The following GPATCH2L variants were observed in gnomAD, a reference collection of about 807,000 sequenced individuals.
GPATCH2L encodes G patch domain-containing protein 2-like.
In GPATCH2L, 31 loss-of-function variants were observed where a neutral mutation model predicts 57.4. The observed-to-expected ratio is 0.54, with a 90% CI of 0.41 to 0.73. GPATCH2L has a LOEUF of 0.73. GPATCH2L is among the 30% of genes least tolerant of loss of function. GPATCH2L has a pLI of 0.00. For missense variants in GPATCH2L, 481 were observed against 599.9 expected (o/e 0.80, Z 2.07); for synonymous variants, 199 against 210.7 (o/e 0.94, Z 0.48).
chr14:76,163,917 A>G (rs936030927), intron 2 of GPATCH2L, among the ~76,000 whole-genome samples: 33 of 152,272 alleles, frequency 2.2e-4, no homozygotes, highest in Non-Finnish European at 2.5e-4. Flanking sequence ...GATGAGCAAG[A>G]TATTTTTTTT....
At position 76,209,103 on chromosome 14, in the gene GPATCH2L, G is replaced by GAT. The variant is rs1351839422; in HGVS notation, c.*7253_*7254dup. The GAT allele has an allele frequency of 6.6e-6, 1 of 152,244 alleles. No individual in the cohort carries two copies. Among genetic ancestry groups the GAT allele is most frequent in the Non-Finnish European group, 1.5e-5 (1 of 68,066 alleles). 9.4% of individuals were successfully genotyped at this position (152,244 alleles called of 1,614,324 possible). On this transcript the variant is annotated 3_prime_UTR_variant, in exon 10 of 10. Transcript: ENST00000261530. Reference sequence around the variant, plus strand: ...CCCATAGGTTGATTTTTATGACACTGATGCTATATAACCACTTCCTTCTTT... The same window carrying GAT: ...CCCATAGGTTGATTTTTATGACACTGATATGCTATATAACCACTTCCTTCTTT...
chr14:76,178,134 C>T, intron 7 of GPATCH2L, 92 bp downstream of exon 7: 1 of 1,269,684 alleles, frequency 7.9e-7, no homozygotes, highest in Non-Finnish European at 1.1e-6. Flanking sequence ...GCAGCTAATT[C>T]CTCTTTGTAG....
intron 2 of GPATCH2L, among the ~76,000 whole-genome samples, chr14:76,165,194 A>G (rs1333895033): frequency 3.3e-5 from 5 of 152,204 alleles, no homozygotes; most frequent in African/African-American, 7.2e-5. Context: ...GAAAGAATCT[A>G]TAAAGAAATA....
intron 3 of GPATCH2L, among the ~76,000 whole-genome samples, chr14:76,168,663 C>T (rs1330229495): frequency 6.6e-6 from 1 of 152,156 alleles, no homozygotes; most frequent in Admixed American, 6.5e-5. Context: ...AAAGCCTTTG[C>T]TTGAATCATA....
intron 9 of GPATCH2L, chr14:76,196,437 GTTTTTTTTT>G (rs78248589): frequency 3.9e-5 from 5 of 129,542 alleles, no homozygotes; most frequent in Non-Finnish European, 8.0e-5. Flanking sequence ...AAACTTTTCA[GTTTTTTTTT>G]TTTTTTTTTT....
rs1418245374 is a variant in GPATCH2L, at chr14:76,213,578, G to T, written c.*11727G>T. 6.6e-6 allele frequency: 1 copy of T among 152,142 alleles called. No individual in the cohort carries two copies. The highest frequency in any genetic ancestry group is 1.5e-5 in the Non-Finnish European group (1 of 68,036). 9.4% of individuals were successfully genotyped at this position (152,142 alleles called of 1,614,324 possible). ...CAAAAGCTCACCAGCCAGAGATAAA[G>T]TGAGGCCAGCTCAGGGAATGTGAGC... On this transcript the variant is annotated 3_prime_UTR_variant, in exon 10 of 10. Coordinates refer to ENST00000261530, the MANE Select transcript of GPATCH2L (RefSeq NM_017926.4).
chr14:76,227,460 C>T (rs1462247699), intron 1 of GPATCH2L, among the ~76,000 whole-genome samples: 4 of 152,072 alleles, frequency 2.6e-5, no homozygotes, highest in Admixed American at 6.6e-5. Flanking sequence ...TGTGACCAGC[C>T]GATGGGGTAG....
At chr14:76,196,564 C>T in intron 9 of GPATCH2L, 1 of 158,996 alleles carries the variant, frequency 6.3e-6, no homozygotes, top group Non-Finnish European at 1.4e-5. Flanking sequence ...TGGCAATGCT[C>T]CATATGATGA....
chr14:76,229,237 G>T (rs967120427), intron 1 of GPATCH2L, among the ~76,000 whole-genome samples: 5 of 152,236 alleles, frequency 3.3e-5, no homozygotes, highest in African/African-American at 1.2e-4. Context: ...TTTTGTAAAG[G>T]ATTGATATTC....
chr14:76,186,888 G>C (rs2039786064), intron 8 of GPATCH2L, among the ~76,000 whole-genome samples: 1 of 152,182 alleles, frequency 6.6e-6, no homozygotes, highest in Non-Finnish European at 1.5e-5. Context: ...AATTAGATTA[G>C]GGAGAATTTT....
chr14:76,159,160 T>C (rs1455913574), intron 2 of GPATCH2L, among the ~76,000 whole-genome samples: 1 of 152,136 alleles, frequency 6.6e-6, no homozygotes, highest in Admixed American at 6.5e-5. Context: ...GTTGAGAAGG[T>C]TGAACTGAAG....
At chr14:76,217,718 A>G (rs536589672), downstream of GPATCH2L, among the ~76,000 whole-genome samples, 4 of 152,342 alleles carry the variant, frequency 2.6e-5, no homozygotes, top group South Asian at 8.3e-4. Context: ...TAAACATAAA[A>G]ATAGAGAATC....
intron 2 of GPATCH2L, among the ~76,000 whole-genome samples, chr14:76,233,866 G>A (rs1327926319): frequency 6.6e-6 from 1 of 152,212 alleles, no homozygotes; most frequent in Non-Finnish European, 1.5e-5. Flanking sequence ...CACTTTGGGA[G>A]CCCAAGGCAG....
At chr14:76,216,922 G>T (rs913118462), downstream of GPATCH2L, among the ~76,000 whole-genome samples, 2 of 152,054 alleles carry the variant, frequency 1.3e-5, no homozygotes, top group Non-Finnish European at 2.9e-5. Flanking sequence ...AGTCAGTGGG[G>T]GAAAAGATGG....
At chr14:76,172,819 TTTTGTCATGGTGAATTTTTG>T (rs1189819879) in intron 4 of GPATCH2L, among the ~76,000 whole-genome samples, 2 of 152,336 alleles carry the variant, frequency 1.3e-5, no homozygotes, top group South Asian at 2.1e-4. Flanking sequence ...TTATGTAGGA[TTTTGTCATGGTGAATTTTTG>T]TTTGTCATGG....
At chr14:76,229,739 C>G (rs757051365) in intron 1 of GPATCH2L, 2 of 152,160 alleles carry the variant, frequency 1.3e-5, no homozygotes, top group Non-Finnish European at 2.9e-5. Flanking sequence ...TCTCCAAGCT[C>G]GATGGGTAGG....
intron 7 of GPATCH2L, 128 bp from the exon 8 acceptor site, chr14:76,180,636 C>A (rs141318792): frequency 2.9e-6 from 2 of 690,520 alleles, no homozygotes; most frequent in Non-Finnish European, 5.2e-6. Context: ...CTTTACTGAA[C>A]AGTGCCTGTG....
intron 2 of GPATCH2L, among the ~76,000 whole-genome samples, chr14:76,165,563 A>G (rs2038795108): frequency 6.6e-6 from 1 of 151,668 alleles, no homozygotes; most frequent in African/African-American, 2.4e-5. Flanking sequence ...AAACCTGCAC[A>G]TTCTGTGCAT....
At chr14:76,158,924 C>T (rs918149005) in intron 2 of GPATCH2L, among the ~76,000 whole-genome samples, 1 of 152,096 alleles carries the variant, frequency 6.6e-6, no homozygotes, top group Non-Finnish European at 1.5e-5. Flanking sequence ...AAGAGTCTAC[C>T]TCTTAAAAGA....
Sources: allele counts gnomAD v4.1 joint callset (sites outside exome capture counted in the v4.1 genomes callset), GRCh38; gene constraint gnomAD v4.1.1; transcripts MANE v1.5; gene names NCBI Gene and HGNC (gene_info 2026-07-23, HGNC 2026-07-21).